Variants in PBX1 observed in about 807,000 individuals in gnomAD.
The protein encoded by PBX1 is PBX homeobox 1, also known as pre-B-cell leukemia transcription factor 1.
PBX1 carries 6 observed loss-of-function variants against 53.4 expected under a neutral mutation model. The ratio of observed to expected loss-of-function variants is 0.11; its 90% CI spans 0.06 to 0.22. The LOEUF is 0.22. Ranked by LOEUF, PBX1 falls within the 10% of genes least tolerant of loss-of-function variation. The pLI is 1.00. For missense variants in PBX1, 251 were observed against 551.4 expected, an observed-to-expected ratio of 0.46 and a Z score of 5.46; for synonymous variants, 204 against 212.3, an observed-to-expected ratio of 0.96 and a Z score of 0.34.
chr1:164,704,127 AAAAGT>A (rs1300994016), intron 2 of PBX1, among the ~76,000 whole-genome samples: 3 of 152,236 alleles, frequency 2.0e-5, no homozygotes, highest in African/African-American at 7.2e-5. Context: ...TAGTTAAAAA[AAAAGT>A]AAAGTAGTCT....
At chr1:164,853,802 A>G (rs1293353057), downstream of PBX1, among the ~76,000 whole-genome samples, 2 of 152,144 alleles carry the variant, frequency 1.3e-5, no homozygotes, top group African/African-American at 4.8e-5. Context: ...AGTATGGTAA[A>G]GTGTAGGTCT....
At chr1:164,793,826 TCTTTCCTTTG>T (rs1668643752) in intron 3 of PBX1, among the ~76,000 whole-genome samples, 2 of 151,872 alleles carry the variant, frequency 1.3e-5, no homozygotes, top group African/African-American at 2.4e-5. Flanking sequence ...TTTCTTCTTT[TCTTTCCTTTG>T]CTTTCCTTAC....
intron 2 of PBX1, among the ~76,000 whole-genome samples, chr1:164,644,195 A>G (rs1274749701): frequency 1.3e-5 from 2 of 152,178 alleles, no homozygotes; most frequent in South Asian, 2.1e-4. Context: ...CATTAGATGA[A>G]AGCCGTGGGG....
chr1:164,875,988 G>GTATGTATATATATA lies in PBX1; in HGVS notation n.258-23197_258-23196insGTATATATATATAT, dbSNP rs1553256088. Among the ~76,000 whole-genome samples, 23 of 56,928 alleles carry GTATGTATATATATA rather than the reference G, an allele frequency of 4.0e-4. 1 individual carries two copies. Among genetic ancestry groups the GTATGTATATATATA allele is most frequent in the East Asian group, 3.7e-3 (4 of 1,094 alleles). 37.3% of individuals were successfully genotyped at this position (56,928 alleles called of 152,430 possible). On this transcript the variant is annotated intron_variant and non_coding_transcript_variant, in intron 2 of 2. Transcript: ENST00000558796. ...ATACCTATATATATTTGGTGTATGT[G>GTATGTATATATATA]TATATATATATATATATACACACAT...
At chr1:164,609,659 A>G (rs1035124699) in intron 2 of PBX1, among the ~76,000 whole-genome samples, 53 of 152,076 alleles carry the variant, frequency 3.5e-4, no homozygotes, top group African/African-American at 1.3e-3. Context: ...TGTGAGCCGC[A>G]TGGATTTCAT....
chr1:164,658,166 C>CA (rs5778403), intron 2 of PBX1, among the ~76,000 whole-genome samples: 1,634 of 138,460 alleles, frequency 0.012, 38 homozygotes, highest in African/African-American at 0.041. Context: ...AAATGAGGTA[C>CA]AAAAAAAAAA....
At chr1:164,708,428 C>T (rs1431629231) in intron 2 of PBX1, among the ~76,000 whole-genome samples, 1 of 151,994 alleles carries the variant, frequency 6.6e-6, no homozygotes, top group Non-Finnish European at 1.5e-5. Flanking sequence ...CAGGGGGGTA[C>T]ATATGCAGGT....
chr1:164,758,454 G>C (rs1160072870), intron 2 of PBX1, among the ~76,000 whole-genome samples: 3 of 152,112 alleles, frequency 2.0e-5, no homozygotes. Context: ...ATTGATCTTG[G>C]CTCTGCAGAG....
At chr1:164,643,406 T>A (rs1659263905) in intron 2 of PBX1, among the ~76,000 whole-genome samples, 1 of 152,140 alleles carries the variant, frequency 6.6e-6, no homozygotes, top group Non-Finnish European at 1.5e-5. Flanking sequence ...ATGGGAAAAC[T>A]TGGTTTTTGG....
intron 2 of PBX1, among the ~76,000 whole-genome samples, chr1:164,876,444 T>G (rs976570601): frequency 1.3e-5 from 2 of 149,854 alleles, no homozygotes; most frequent in African/African-American, 2.5e-5. Context: ...TTGAAGAGGG[T>G]AGTAAAAAGG....
chr1:164,602,477 C>G (rs1656241717), intron 2 of PBX1, among the ~76,000 whole-genome samples: 1 of 152,082 alleles, frequency 6.6e-6, no homozygotes, highest in South Asian at 2.1e-4. Flanking sequence ...ATTGCTTGAA[C>G]AAGGGTTTAG....
chr1:164,796,864 T>A (rs1452709825), intron 3 of PBX1, among the ~76,000 whole-genome samples: 1 of 152,216 alleles, frequency 6.6e-6, no homozygotes, highest in Non-Finnish European at 1.5e-5. Flanking sequence ...TAATTAACAA[T>A]TGTAACCCCA....
At chr1:164,685,138 AG>A (rs1242142392) in intron 2 of PBX1, among the ~76,000 whole-genome samples, 2 of 152,170 alleles carry the variant, frequency 1.3e-5, no homozygotes, top group Non-Finnish European at 2.9e-5. Context: ...TTCTGAATCC[AG>A]GGTTCTAGTC....
intron 2 of PBX1, chr1:164,682,496 C>A (rs1310207418): frequency 6.6e-6 from 1 of 152,092 alleles, no homozygotes; most frequent in East Asian, 1.9e-4. Context: ...ACCTCCTGAC[C>A]TCAAGGAGCT....
At chr1:164,700,939 T>C (rs1663083584) in intron 2 of PBX1, among the ~76,000 whole-genome samples, 1 of 152,188 alleles carries the variant, frequency 6.6e-6, no homozygotes, top group South Asian at 2.1e-4. Context: ...ATCTGTAACA[T>C]GAGAATAATA....
chr1:164,848,428 T>C lies in PBX1; in HGVS notation c.*1752T>C. The C allele has an allele frequency of 9.5e-7, 1 of 1,055,862 alleles. No homozygotes were observed. Among genetic ancestry groups the C allele is most frequent in the Non-Finnish European group, 1.1e-6 (1 of 873,294 alleles). 65.4% of individuals were successfully genotyped at this position (1,055,862 alleles called of 1,614,324 possible). On this transcript the variant is annotated 3_prime_UTR_variant, in exon 9 of 9. Transcript: ENST00000420696. ...GAGACTGAGAAGTTGATTTTGTTCA[T>C]ATCCAATCTGTAAATGCGAAGTCAG...
At chr1:164,832,044 A>G (rs901199733) in intron 8 of PBX1, among the ~76,000 whole-genome samples, 3 of 152,200 alleles carry the variant, frequency 2.0e-5, no homozygotes, top group Non-Finnish European at 4.4e-5. Flanking sequence ...GAAACTTTCT[A>G]ATAGATATCA....
intron 2 of PBX1, among the ~76,000 whole-genome samples, chr1:164,864,118 A>C (rs1184640986): frequency 1.3e-5 from 2 of 152,150 alleles, no homozygotes; most frequent in Non-Finnish European, 2.9e-5. Context: ...AGGGTGACTC[A>C]AGTGTGGTGA....
chr1:164,772,991 A>C (rs1667449359), intron 2 of PBX1: 5 of 152,206 alleles, frequency 3.3e-5, no homozygotes, highest in Admixed American at 6.5e-5. Flanking sequence ...CAGAACTATC[A>C]TAAGGCCAGA....
Sources: gnomAD v4.1 joint callset for allele counts (sites outside exome capture counted in the v4.1 genomes callset) on GRCh38, gnomAD v4.1.1 for gene constraint, MANE v1.5 for transcripts, NCBI Gene and HGNC (gene_info 2026-07-23, HGNC 2026-07-21) for gene names.